LARGE1: variants seen among roughly 807,000 people sequenced by gnomAD.
The protein encoded by LARGE1 is LARGE xylosyl- and glucuronyltransferase 1.
A neutral mutation model predicts 87.6 loss-of-function variants in LARGE1; 43 were observed. That is an observed-to-expected ratio of 0.49 (90% CI 0.38 to 0.63). LARGE1 has a LOEUF of 0.63. Ranked by LOEUF, LARGE1 falls within the 30% of genes least tolerant of loss-of-function variation. The probability of loss-of-function intolerance (pLI) is 0.00; values close to 1 mark genes in which losing one functional copy is unlikely to be tolerated. For synonymous variants in LARGE1, 434 were observed against 394.6 expected (o/e 1.10, Z -1.18); for missense variants, 802 against 1,000.2 (o/e 0.80, Z 2.67).
intron 14 of LARGE1, among the ~76,000 whole-genome samples, 198 bp from the exon 15 acceptor site, chr22:33,274,822 C>T (rs1928880693): frequency 6.6e-6 from 1 of 152,112 alleles, no homozygotes; most frequent in South Asian, 2.1e-4. Flanking sequence ...AGGAAACTGG[C>T]TTCTCTGAGC....
chr22:33,555,267 G>A lies in LARGE1; in HGVS notation c.787+9581C>T, dbSNP rs543605206. 1.2e-4 allele frequency among the ~76,000 whole-genome samples: 19 copies of A among 152,250 alleles called. No homozygotes were observed. The South Asian group carries it at 1.5e-3, about 12-fold the overall frequency. ...TCTGCAGATTTTGGTATCCGTGGGA[G>A]GTCCCTAGAAAGAACACACAATAAC... is the stretch of plus-strand genomic sequence containing the variant. On this transcript the variant is annotated intron_variant, in intron 6 of 14. Transcript: ENST00000397394.
chr22:33,441,462 GTTTAA>G (rs1601852035), intron 6 of LARGE1, among the ~76,000 whole-genome samples: 1 of 151,872 alleles, frequency 6.6e-6, no homozygotes, highest in East Asian at 1.9e-4. Flanking sequence ...CTCTCTCTCT[GTTTAA>G]TAAAGAGACA....
At chr22:33,506,639 G>A (rs557846436) in intron 6 of LARGE1, among the ~76,000 whole-genome samples, 52 of 152,306 alleles carry the variant, frequency 3.4e-4, no homozygotes, top group African/African-American at 1.2e-3. Flanking sequence ...AGTGGCTCAC[G>A]CCTATAATCC....
At chr22:33,817,432 G>A (rs891237676) in intron 1 of LARGE1, among the ~76,000 whole-genome samples, 5 of 152,058 alleles carry the variant, frequency 3.3e-5, no homozygotes, top group Non-Finnish European at 7.4e-5. Context: ...CAGATCACTC[G>A]TTTGTGTTTC....
At chr22:33,631,290 C>T (rs1470449393) in intron 3 of LARGE1, among the ~76,000 whole-genome samples, 1 of 152,172 alleles carries the variant, frequency 6.6e-6, no homozygotes, top group Non-Finnish European at 1.5e-5. Context: ...GTCTCAGCTT[C>T]CAGAGTAGCT....
chr22:33,432,211 A>T lies in LARGE1; in HGVS notation c.842T>A (p.Leu281Gln). ...TGGCCATGGGCGGTGATTTTTCCAC[A>T]GGTTTCCAAGGTACCAGTCACTCTG... Reference protein sequence around the residue: ...ENQSDWYLGNLWKNHRPWPAL... With the variant: ...ENQSDWYLGNQWKNHRPWPAL... The change falls in exon 7 of 15, where the codon CTG becomes CAG. Residue 281 changes from leucine to glutamine, a missense_variant. This residue lies in a region of LARGE1 where 625 missense variants were observed against 841.9 expected (regional missense o/e 0.74). Transcript: ENST00000397394. 6.2e-7 allele frequency: 1 copy of T among 1,614,174 alleles called. No homozygotes were observed. Among genetic ancestry groups the T allele is most frequent in the Non-Finnish European group, 8.5e-7 (1 of 1,180,032 alleles).
chr22:33,815,623 ATCTG>A (rs933451792), intron 1 of LARGE1, among the ~76,000 whole-genome samples: 30 of 152,170 alleles, frequency 2.0e-4, no homozygotes, highest in Non-Finnish European at 3.4e-4. Context: ...AAGTGCAAAC[ATCTG>A]TCTATCAACC....
intron 6 of LARGE1, among the ~76,000 whole-genome samples, chr22:33,560,381 A>AGTGCCCATG (rs1331360610): frequency 6.6e-6 from 1 of 152,296 alleles, no homozygotes; most frequent in East Asian, 1.9e-4. Flanking sequence ...TGAGGAAGGC[A>AGTGCCCATG]GTGCCCATGT....
chr22:33,426,349 G>A (rs738166), intron 7 of LARGE1, among the ~76,000 whole-genome samples: 104,062 of 152,090 alleles, frequency 0.68, 37,101 homozygotes, highest in African/African-American at 0.88. Flanking sequence ...TGAATAAATT[G>A]TATTTAAATA....
At chr22:33,804,631 C>T (rs2086256218) in intron 1 of LARGE1, among the ~76,000 whole-genome samples, 1 of 152,170 alleles carries the variant, frequency 6.6e-6, no homozygotes, top group Non-Finnish European at 1.5e-5. Context: ...GTTTTGGGTA[C>T]CTTGAACAAC....
chr22:33,122,365 T>C, the LARGE1 span, among the ~76,000 whole-genome samples: 2 of 150,434 alleles, frequency 1.3e-5, no homozygotes, highest in South Asian at 2.1e-4. Context: ...TTTTCTTTTT[T>C]TTTTTTTTTT....
At chr22:33,335,236 T>G (rs1464872639) in intron 10 of LARGE1, among the ~76,000 whole-genome samples, 6 of 152,164 alleles carry the variant, frequency 3.9e-5, no homozygotes, top group African/African-American at 1.2e-4. Context: ...AAGGAAAAAC[T>G]GAAAGAACAG....
chr22:33,610,969 G>A (rs918461821), intron 4 of LARGE1, among the ~76,000 whole-genome samples: 1 of 152,222 alleles, frequency 6.6e-6, no homozygotes, highest in Non-Finnish European at 1.5e-5. Flanking sequence ...CAACTTCCAT[G>A]GGGTGTTAAG....
chr22:33,709,979 G>GAAAACAAAAAAAAAAAA (rs2082682495), intron 2 of LARGE1, among the ~76,000 whole-genome samples: 1 of 88,792 alleles, frequency 1.1e-5, no homozygotes, highest in Non-Finnish European at 2.3e-5. Context: ...TTGCTAGGCA[G>GAAAACAAAAAAAAAAAA]AAAAAAAAAA....
intron 2 of LARGE1, among the ~76,000 whole-genome samples, chr22:33,660,070 T>TTGTGTGTG (rs1160067357): frequency 6.4e-5 from 9 of 141,166 alleles, no homozygotes; most frequent in African/African-American, 2.5e-4. Context: ...AAATGTTTTG[T>TTGTGTGTG]TGTGTGTGTG....
chr22:33,126,785 C>T, the LARGE1 span, among the ~76,000 whole-genome samples: 1 of 152,214 alleles, frequency 6.6e-6, no homozygotes. Flanking sequence ...ATATTTGCTT[C>T]GCTTCATTCT....
chr22:33,638,030 G>A (rs994305376), intron 3 of LARGE1, among the ~76,000 whole-genome samples: 15 of 152,110 alleles, frequency 9.9e-5, no homozygotes, highest in African/African-American at 3.4e-4. Context: ...GAAATTTAAA[G>A]AGGACATTTT....
At chr22:33,372,294 G>T (rs1260555974) in intron 9 of LARGE1, among the ~76,000 whole-genome samples, 1 of 151,886 alleles carries the variant, frequency 6.6e-6, no homozygotes, top group Admixed American at 6.6e-5. Flanking sequence ...GGCTTCCTAG[G>T]TTTTCACTAG....
In LARGE1 at chr22:33,614,453, G is replaced by A. The variant is rs894517464; in HGVS notation, c.492-9895C>T. 3.9e-5 allele frequency among the ~76,000 whole-genome samples: 6 copies of A among 152,116 alleles called. No homozygotes were observed. In the South Asian group the frequency reaches 8.3e-4, roughly 21 times the overall value. On this transcript the variant is annotated intron_variant, in intron 4 of 14. Transcript: ENST00000397394. ...GTAATCACACAGCCCCTTGCTCACT[G>A]TACAATATATAAGCCCCAGCCTCTC...
Sources: gnomAD v4.1 joint callset for allele counts (sites outside exome capture counted in the v4.1 genomes callset) on GRCh38, gnomAD v4.1.1 for gene constraint, gnomAD v4.1.1 regional missense constraint, MANE v1.5 for transcripts, NCBI Gene and HGNC (gene_info 2026-07-23, HGNC 2026-07-21) for gene names.